Variants in MYO3A observed in about 807,000 individuals in gnomAD.
MYO3A encodes the protein myosin IIIA.
MYO3A carries 180 observed loss-of-function variants against 192.7 expected under a neutral mutation model. That is an observed-to-expected ratio of 0.93 (90% CI 0.83 to 1.06). MYO3A has a LOEUF of 1.06. Ranked by LOEUF, MYO3A falls within the 50% of genes least tolerant of loss-of-function variation. MYO3A has a pLI of 0.00. For synonymous variants in MYO3A, 628 were observed against 645.3 expected (o/e 0.97, Z 0.41); for missense variants, 1,896 against 1,905.0 (o/e 1.00, Z 0.09).
intron 20 of MYO3A, among the ~76,000 whole-genome samples, chr10:26,137,000 G>A (rs1007310138): frequency 1.9e-4 from 28 of 151,344 alleles, no homozygotes; most frequent in African/African-American, 6.1e-4. Context: ...CCTGGGCCAC[G>A]GAGCAAGACT....
intron 10 of MYO3A, among the ~76,000 whole-genome samples, chr10:26,060,281 ATAC>A (rs879829729): frequency 0.33 from 46,111 of 138,608 alleles, 7,804 homozygotes; most frequent in Middle Eastern, 0.46. Flanking sequence ...AAATAAATAC[ATAC>A]ATAAATAAAT....
chr10:25,962,719 AG>A lies in MYO3A; in HGVS notation c.303+7712del, dbSNP rs1224680351. Among the ~76,000 whole-genome samples, 12 of 152,098 alleles carry A rather than the reference AG, an allele frequency of 7.9e-5. No individual in the cohort carries two copies. The East Asian group carries it at 2.3e-3, about 29-fold the overall frequency. On this transcript the variant is annotated intron_variant, in intron 4 of 34. Transcript: ENST00000642920. ...GGGATCAGTATCAAGCGTGGAGGGG[AG>A]CTGGGAAGATGAGGACTCGGGTAGG...
rs577379444 is a variant in MYO3A at position 25,942,011 on chromosome 10, T to C, written c.-18+6181T>C. Among the ~76,000 whole-genome samples, 8 of 150,588 alleles carry C rather than the reference T, an allele frequency of 5.3e-5. No homozygotes were observed. In the East Asian group the frequency reaches 7.7e-4, roughly 15 times the overall value. On this transcript the variant is annotated intron_variant, in intron 2 of 34. Coordinates refer to ENST00000642920, the MANE Select transcript of MYO3A (RefSeq NM_017433.5). ...TCTTTCTTACTTTCTTTTTTCTTTTTTTTTTTTTTAGATGGAGTCTCTCTC... is the reference window on the plus strand; with the variant it reads ...TCTTTCTTACTTTCTTTTTTCTTTTCTTTTTTTTTAGATGGAGTCTCTCTC...
intron 4 of MYO3A, among the ~76,000 whole-genome samples, chr10:25,992,388 T>C (rs532159910): frequency 2.0e-5 from 3 of 152,360 alleles, no homozygotes; most frequent in African/African-American, 7.2e-5. Flanking sequence ...TGAAGTTGCT[T>C]ATCAACTTAA....
intron 32 of MYO3A, among the ~76,000 whole-genome samples, chr10:26,200,303 G>A (rs1301895365): frequency 1.3e-5 from 2 of 152,032 alleles, no homozygotes; most frequent in Non-Finnish European, 2.9e-5. Flanking sequence ...TAAGAATACT[G>A]GGGAAAACCC....
At chr10:25,952,437 C>T (rs1837267862) in intron 3 of MYO3A, among the ~76,000 whole-genome samples, 159 bp downstream of exon 3, 1 of 151,980 alleles carries the variant, frequency 6.6e-6, no homozygotes, top group South Asian at 2.1e-4. Context: ...TTTGCTTTTC[C>T]AAATTTCTGT....
chr10:26,156,259 T>C (rs936499080), intron 25 of MYO3A, among the ~76,000 whole-genome samples: 1 of 152,222 alleles, frequency 6.6e-6, no homozygotes, highest in Non-Finnish European at 1.5e-5. Flanking sequence ...CTTTGTCGGT[T>C]GCCAATTTCA....
chr10:26,075,384 GTA>G (rs987445318), intron 14 of MYO3A, among the ~76,000 whole-genome samples: 2 of 151,402 alleles, frequency 1.3e-5, no homozygotes, highest in South Asian at 2.1e-4. Context: ...CACCCAAGCA[GTA>G]TACACTGCAC....
At chr10:26,198,101 C>G (rs1448567657) in intron 32 of MYO3A, among the ~76,000 whole-genome samples, 1 of 152,210 alleles carries the variant, frequency 6.6e-6, no homozygotes, top group Non-Finnish European at 1.5e-5. Context: ...TTGCCCAACA[C>G]AAACATCTCT....
chr10:26,057,076 A>G (rs1032566601), intron 10 of MYO3A, among the ~76,000 whole-genome samples: 4 of 152,232 alleles, frequency 2.6e-5, no homozygotes, highest in Non-Finnish European at 5.9e-5. Flanking sequence ...GGGCAGTTGA[A>G]TAGGACGATA....
At chr10:26,183,163 C>T (rs1308252270) in intron 31 of MYO3A, among the ~76,000 whole-genome samples, 1 of 152,206 alleles carries the variant, frequency 6.6e-6, no homozygotes, top group Non-Finnish European at 1.5e-5. Context: ...CCTCCTGCTT[C>T]TCCTGCCACA....
chr10:26,114,605 A>T (rs929130966), intron 17 of MYO3A, among the ~76,000 whole-genome samples: 3 of 152,206 alleles, frequency 2.0e-5, no homozygotes, highest in Non-Finnish European at 2.9e-5. Context: ...TCTGAGAAAG[A>T]TAAGTAGAAA....
At chr10:26,046,331 C>T (rs1466480380) in intron 10 of MYO3A, among the ~76,000 whole-genome samples, 1 of 152,172 alleles carries the variant, frequency 6.6e-6, no homozygotes, top group Non-Finnish European at 1.5e-5. Context: ...AAACTGATTG[C>T]TTGCTTGATG....
At chr10:26,179,277 T>C (rs945382998) in intron 31 of MYO3A, among the ~76,000 whole-genome samples, 2 of 151,666 alleles carry the variant, frequency 1.3e-5, no homozygotes, top group Admixed American at 1.3e-4. Context: ...TTTTGTATTT[T>C]TTTTTATTAG....
chr10:26,043,993 G>T (rs1441326896), intron 10 of MYO3A, among the ~76,000 whole-genome samples: 1 of 152,196 alleles, frequency 6.6e-6, no homozygotes, highest in African/African-American at 2.4e-5. Flanking sequence ...ATCACTGCTG[G>T]TCATTCAGGG....
chr10:26,080,219 TTTC>T, intron 14 of MYO3A, among the ~76,000 whole-genome samples: 1 of 152,180 alleles, frequency 6.6e-6, no homozygotes, highest in East Asian at 1.9e-4. Flanking sequence ...TTGTTCATAT[TTTC>T]TTATTCTTTT....
chr10:26,080,358 C>T (rs1163853851), intron 14 of MYO3A, among the ~76,000 whole-genome samples: 1 of 152,034 alleles, frequency 6.6e-6, no homozygotes, highest in African/African-American at 2.4e-5. Flanking sequence ...AAAAGTGTAT[C>T]CAAAGTTTCC....
At chr10:25,961,358 TG>T (rs2130647107) in intron 4 of MYO3A, among the ~76,000 whole-genome samples, 1 of 152,294 alleles carries the variant, frequency 6.6e-6, no homozygotes, top group East Asian at 1.9e-4. Context: ...AGGAGACAGT[TG>T]GAAACTCCTG....
At chr10:26,159,659 G>A (rs911562848) in intron 26 of MYO3A, among the ~76,000 whole-genome samples, 10 of 152,242 alleles carry the variant, frequency 6.6e-5, no homozygotes, top group African/African-American at 2.2e-4. Context: ...GATTACAGGC[G>A]TGAGCCACTG....
Sources: allele counts gnomAD v4.1 joint callset (sites outside exome capture counted in the v4.1 genomes callset), GRCh38; gene constraint gnomAD v4.1.1; transcripts MANE v1.5; gene names NCBI Gene and HGNC (gene_info 2026-07-23, HGNC 2026-07-21).